The following MARCHF10 variants were observed in gnomAD, a reference collection of about 807,000 sequenced individuals.
MARCHF10 encodes the protein probable E3 ubiquitin-protein ligase MARCHF10.
Under a neutral mutation model 76.2 loss-of-function variants are expected in MARCHF10, and 64 were observed. The observed-to-expected ratio is 0.84, with a 90% CI of 0.69 to 1.03. The LOEUF (loss-of-function observed/expected upper bound fraction) is 1.03. Ranked by LOEUF, MARCHF10 falls within the 50% of genes least tolerant of loss-of-function variation. The pLI is 0.00. For synonymous variants in MARCHF10, 340 were observed against 357.5 expected (o/e 0.95, Z 0.55); for missense variants, 875 against 958.0 (o/e 0.91, Z 1.14).
At chr17:62,791,524 A>G (rs899915334) in intron 2 of MARCHF10, among the ~76,000 whole-genome samples, 1 of 152,212 alleles carries the variant, frequency 6.6e-6, no homozygotes, top group African/African-American at 2.4e-5. Flanking sequence ...ATTGGTTTGC[A>G]AAGTTGAAAA....
intron 6 of MARCHF10, 110 bp from the exon 7 acceptor site, chr17:62,725,214 C>T: frequency 1.1e-6 from 1 of 928,688 alleles, no homozygotes; most frequent in Middle Eastern, 3.4e-4. Flanking sequence ...TGGTACTCAC[C>T]CGCTGCCCCC....
In MARCHF10 at chr17:62,782,725, G is replaced by A. The variant is rs74878240; in HGVS notation, c.210+5755C>T. Among the ~76,000 whole-genome samples, 1,014 of 152,206 alleles carry A rather than the reference G, an allele frequency of 6.7e-3. 9 individuals carry two copies. The highest frequency in any genetic ancestry group is 0.023 in the African/African-American group (955 of 41,518). On this transcript the variant is annotated intron_variant, in intron 3 of 10. Transcript: ENST00000311269. ...CTCCAAACCAATCCATGATTTTGGGGGTTGAAGATTTCTTGGATCTGGCTT... is the reference window on the plus strand; with the variant it reads ...CTCCAAACCAATCCATGATTTTGGGAGTTGAAGATTTCTTGGATCTGGCTT...
chr17:62,729,399 T>C (rs2090914136), intron 6 of MARCHF10, among the ~76,000 whole-genome samples: 1 of 150,268 alleles, frequency 6.7e-6, no homozygotes, highest in Admixed American at 6.6e-5. Context: ...ACAATGTAAT[T>C]AAATTAGGAT....
intron 8 of MARCHF10, among the ~76,000 whole-genome samples, chr17:62,714,808 T>C (rs567335801): frequency 1.1e-4 from 16 of 151,792 alleles, no homozygotes; most frequent in African/African-American, 3.6e-4. Context: ...TGCAATGGTG[T>C]GATCTCGGCT....
chr17:62,763,584 T>C (rs2147969168), intron 3 of MARCHF10, among the ~76,000 whole-genome samples: 1 of 152,308 alleles, frequency 6.6e-6, no homozygotes, highest in East Asian at 1.9e-4. Context: ...TAATTACAAT[T>C]TTCATTCCTT....
intron 3 of MARCHF10, among the ~76,000 whole-genome samples, chr17:62,766,642 C>G (rs1399541721): frequency 1.3e-5 from 2 of 152,148 alleles, no homozygotes. Flanking sequence ...TATTTGAATT[C>G]ATATTCTTTT....
intron 2 of MARCHF10, among the ~76,000 whole-genome samples, chr17:62,797,653 G>GTTTTGC (rs1338058539): frequency 6.6e-6 from 1 of 152,180 alleles, no homozygotes; most frequent in Non-Finnish European, 1.5e-5. Context: ...TGAAGTGTAG[G>GTTTTGC]TTGGTTTTGC....
At position 62,805,449 on chromosome 17, in the gene MARCHF10, T is replaced by C. The variant is rs190084632; in HGVS notation, c.-18+2628A>G. On this transcript the variant is annotated intron_variant, in intron 1 of 10. Coordinates refer to ENST00000311269, the MANE Select transcript of MARCHF10 (RefSeq NM_152598.4). The stretch of plus-strand genomic sequence containing the variant: ...TAAAGGGGAGCATCCCAGAGTCCAC[T>C]TGGATGATACATTTTGGTTGCCAAA... Among the ~76,000 whole-genome samples, 7 of 152,318 alleles carry C rather than the reference T, an allele frequency of 4.6e-5. No individual in the cohort carries two copies. The East Asian group carries it at 1.2e-3, about 25-fold the overall frequency.
At chr17:62,749,203 G>GA (rs1427076422) in intron 4 of MARCHF10, among the ~76,000 whole-genome samples, 4 of 83,364 alleles carry the variant, frequency 4.8e-5, no homozygotes, top group Non-Finnish European at 7.0e-5. Context: ...ATTTGACCAG[G>GA]AAAGGGAAAA....
chr17:62,805,264 G>A (rs1379169636), intron 1 of MARCHF10, among the ~76,000 whole-genome samples: 2 of 152,212 alleles, frequency 1.3e-5, no homozygotes, highest in African/African-American at 4.8e-5. Flanking sequence ...ATGTGTACCT[G>A]CATAGAATGA....
intron 9 of MARCHF10, among the ~76,000 whole-genome samples, chr17:62,710,874 T>C (rs1026321553): frequency 1.3e-5 from 2 of 152,138 alleles, no homozygotes; most frequent in Non-Finnish European, 2.9e-5. Context: ...TTCCTCTTTT[T>C]CGCAGGTCCT....
At chr17:62,735,271 C>T (rs1003751465) in intron 6 of MARCHF10, 3 of 152,104 alleles carry the variant, frequency 2.0e-5, no homozygotes, top group Non-Finnish European at 4.4e-5. Context: ...TTAATGATGG[C>T]TTTACAAAGT....
intron 3 of MARCHF10, among the ~76,000 whole-genome samples, chr17:62,773,784 C>T (rs1242258393): frequency 2.6e-5 from 4 of 152,132 alleles, no homozygotes; most frequent in Admixed American, 2.0e-4. Flanking sequence ...AGAAGGAAGA[C>T]GGTTTGAGGA....
At chr17:62,735,561 C>T in intron 6 of MARCHF10, 1 of 201,786 alleles carries the variant, frequency 5.0e-6, no homozygotes, top group Non-Finnish European at 9.7e-6. Context: ...CAAGTGTGGA[C>T]TGGTTCATTC....
At chr17:62,785,575 T>G (rs369480689) in intron 3 of MARCHF10, among the ~76,000 whole-genome samples, 1 of 151,924 alleles carries the variant, frequency 6.6e-6, no homozygotes, top group Admixed American at 6.6e-5. Flanking sequence ...AAACTACCAT[T>G]AGAGTGAACA....
intron 3 of MARCHF10, among the ~76,000 whole-genome samples, chr17:62,774,065 G>A (rs190112547): frequency 6.6e-6 from 1 of 152,344 alleles, no homozygotes; most frequent in Non-Finnish European, 1.5e-5. Context: ...CACAGGGCAA[G>A]GAAAGAGGAA....
chr17:62,749,051 A>G (rs557259740), intron 4 of MARCHF10, among the ~76,000 whole-genome samples: 46 of 152,318 alleles, frequency 3.0e-4, no homozygotes, highest in African/African-American at 1.0e-3. Context: ...TTTGGACAAC[A>G]TACAGACCCC....
At chr17:62,807,573 A>C (rs959951274) in intron 1 of MARCHF10, among the ~76,000 whole-genome samples, 5 of 152,130 alleles carry the variant, frequency 3.3e-5, no homozygotes, top group Non-Finnish European at 5.9e-5. Flanking sequence ...ATCCAGCCAG[A>C]GAAACATAAC....
At chr17:62,791,516 T>G (rs2092842290) in intron 2 of MARCHF10, among the ~76,000 whole-genome samples, 1 of 152,188 alleles carries the variant, frequency 6.6e-6, no homozygotes, top group Non-Finnish European at 1.5e-5. Flanking sequence ...AAGAATAGAT[T>G]GGTTTGCAAA....
Sources: allele counts gnomAD v4.1 joint callset (sites outside exome capture counted in the v4.1 genomes callset), GRCh38; gene constraint gnomAD v4.1.1; transcripts MANE v1.5; gene names NCBI Gene and HGNC (gene_info 2026-07-23, HGNC 2026-07-21).